Variants in PCDH9 observed in about 807,000 individuals in gnomAD.
PCDH9 encodes protocadherin 9.
A neutral mutation model predicts 70.6 loss-of-function variants in PCDH9; 24 were observed. The observed-to-expected ratio is 0.34, with a 90% CI of 0.25 to 0.48. The LOEUF (loss-of-function observed/expected upper bound fraction) is 0.48, where lower values mean the gene tolerates loss of function less well. Ranked by LOEUF, PCDH9 falls within the 20% of genes least tolerant of loss-of-function variation. The pLI is 0.99. For synonymous variants in PCDH9, 562 were observed against 558.5 expected, an observed-to-expected ratio of 1.01 and a Z score of -0.09; for missense variants, 1,281 against 1,503.6, an observed-to-expected ratio of 0.85 and a Z score of 2.45.
At chr13:67,082,777 T>G (rs2086011284) in intron 2 of PCDH9, among the ~76,000 whole-genome samples, 1 of 152,206 alleles carries the variant, frequency 6.6e-6, no homozygotes, top group Non-Finnish European at 1.5e-5. Flanking sequence ...ATCTTACCAT[T>G]TCCATGTCTG....
chr13:66,321,382 C>T (rs1447350547), intron 4 of PCDH9, among the ~76,000 whole-genome samples: 10 of 151,980 alleles, frequency 6.6e-5, no homozygotes, highest in Non-Finnish European at 1.0e-4. Flanking sequence ...ATTACATTTT[C>T]CTCATATAAA....
intron 2 of PCDH9, among the ~76,000 whole-genome samples, chr13:67,082,588 T>TA (rs1414160084): frequency 6.6e-6 from 1 of 152,176 alleles, no homozygotes; most frequent in Non-Finnish European, 1.5e-5. Context: ...ATTTAAGTCC[T>TA]ATACACTCAC....
chr13:67,153,214 T>G (rs1425348582), intron 2 of PCDH9, among the ~76,000 whole-genome samples: 2 of 151,826 alleles, frequency 1.3e-5, no homozygotes. Context: ...CAGTCTAGAG[T>G]GCAATGGTGC....
chr13:66,949,411 T>C (rs1373761520), intron 2 of PCDH9, among the ~76,000 whole-genome samples: 1 of 152,050 alleles, frequency 6.6e-6, no homozygotes, highest in African/African-American at 2.4e-5. Context: ...TATCACACCA[T>C]CTCTAAGACA....
intron 3 of PCDH9, among the ~76,000 whole-genome samples, chr13:66,651,835 G>C (rs2077856392): frequency 6.6e-6 from 1 of 152,022 alleles, no homozygotes; most frequent in African/African-American, 2.4e-5. Flanking sequence ...ATTTATCCCA[G>C]GGATGTAATA....
chr13:67,182,405 A>T lies in PCDH9; in HGVS notation c.3036+43000T>A, dbSNP rs75680993. Among the ~76,000 whole-genome samples the T allele has an allele frequency of 8.9e-3, 1,350 of 152,302 alleles. 61 individuals carry two copies. The highest frequency in any genetic ancestry group is 0.071 in the Admixed American group (1,093 of 15,292). On this transcript the variant is annotated intron_variant, in intron 2 of 4. Coordinates refer to ENST00000377865, the MANE Select transcript of PCDH9 (RefSeq NM_203487.3). ...ATATGGGCTGTAACACATATGCAGTACATATCCAAAATCTCACCATTCTTT... is the reference window on the plus strand; with the variant it reads ...ATATGGGCTGTAACACATATGCAGTTCATATCCAAAATCTCACCATTCTTT...
At chr13:67,123,117 A>T (rs1226097266) in intron 2 of PCDH9, among the ~76,000 whole-genome samples, 2 of 152,190 alleles carry the variant, frequency 1.3e-5, no homozygotes, top group Admixed American at 1.3e-4. Context: ...ATGGAAAAAC[A>T]AAAATCTACT....
At chr13:66,342,611 C>A (rs1956147590) in intron 4 of PCDH9, among the ~76,000 whole-genome samples, 1 of 151,842 alleles carries the variant, frequency 6.6e-6, no homozygotes, top group African/African-American at 2.4e-5. Flanking sequence ...TCTCCAGAGT[C>A]CTTTTCTTTC....
Position 67,226,281 on chromosome 13 carries a change from T to C in PCDH9, c.2160A>G (p.Gly720=). 6.2e-7 allele frequency: 1 copy of C among 1,614,204 alleles called. No homozygotes were observed. The highest frequency in any genetic ancestry group is 8.5e-7 in the Non-Finnish European group (1 of 1,180,038). The change falls in exon 2 of 5, where the codon GGA becomes GGG. Residue 720 remains glycine, a synonymous_variant. Coordinates refer to ENST00000377865, the MANE Select transcript of PCDH9 (RefSeq NM_203487.3). The surrounding 1 kb of genome is among the most constrained non-coding windows in gnomAD (Gnocchi z 5.0). ...CAATCCGGAATAAGCCTTTATTGTT[T>C]CCACTCACTATAGTATACTTTAGTT... ...NAELKYTIVS[G]NNKGLFRIDP...
chr13:66,720,354 G>C (rs2078926645), intron 3 of PCDH9, among the ~76,000 whole-genome samples: 1 of 147,858 alleles, frequency 6.8e-6, no homozygotes, highest in East Asian at 2.0e-4. Context: ...GTAGAGACAG[G>C]GTTTCACCAT....
intron 3 of PCDH9, among the ~76,000 whole-genome samples, chr13:66,658,123 TG>T (rs764097497): frequency 1.3e-5 from 2 of 152,200 alleles, no homozygotes; most frequent in Non-Finnish European, 2.9e-5. Flanking sequence ...CTGAAGATTT[TG>T]GTATCTTCTG....
chr13:66,357,901 A>G (rs1483820254), intron 4 of PCDH9, among the ~76,000 whole-genome samples: 1 of 151,490 alleles, frequency 6.6e-6, no homozygotes, highest in Non-Finnish European at 1.5e-5. Flanking sequence ...ACCTTTTAGA[A>G]TCTTTTCTCA....
At chr13:66,852,715 G>C (rs2081334488) in intron 3 of PCDH9, among the ~76,000 whole-genome samples, 3 of 152,090 alleles carry the variant, frequency 2.0e-5, no homozygotes, top group African/African-American at 7.2e-5. Context: ...AGTTTCTTTG[G>C]TAACATTCAT....
chr13:66,718,251 TGA>T (rs1323479624), intron 3 of PCDH9, among the ~76,000 whole-genome samples: 1 of 152,216 alleles, frequency 6.6e-6, no homozygotes, highest in African/African-American at 2.4e-5. Flanking sequence ...CCGTTCAAAC[TGA>T]GAGAGAAGTT....
intron 3 of PCDH9, among the ~76,000 whole-genome samples, chr13:66,773,406 A>G (rs1302739054): frequency 6.6e-6 from 1 of 152,012 alleles, no homozygotes; most frequent in East Asian, 2.0e-4. Context: ...GGGCGGGTGG[A>G]TCGCGAGGTC....
Position 66,316,020 on chromosome 13 carries a change from G to T in PCDH9, c.3341-10992C>A, listed in dbSNP as rs145617004. 1.1e-3 allele frequency among the ~76,000 whole-genome samples: 167 copies of T among 152,254 alleles called. 2 individuals carry two copies. The East Asian group carries it at 0.028, about 25-fold the overall frequency. On this transcript the variant is annotated intron_variant, in intron 4 of 4. Coordinates refer to ENST00000377865, the MANE Select transcript of PCDH9 (RefSeq NM_203487.3). ...GCTGGTTCCTTCTAGAAATTCTGAG[G>T]AAAGAATTCATTTCCTTTCCTTTTA...
At chr13:67,092,301 T>G (rs1292153292) in intron 2 of PCDH9, among the ~76,000 whole-genome samples, 1 of 152,186 alleles carries the variant, frequency 6.6e-6, no homozygotes, top group Non-Finnish European at 1.5e-5. Context: ...CCCTGGCAGA[T>G]TTTTAAAAAA....
intron 2 of PCDH9, among the ~76,000 whole-genome samples, chr13:66,906,025 G>C (rs537966841): frequency 2.0e-5 from 3 of 152,216 alleles, no homozygotes; most frequent in African/African-American, 7.2e-5. Flanking sequence ...TTATGTGTCA[G>C]AATTGTACTG....
chr13:67,012,263 C>T (rs1158180880), intron 2 of PCDH9, among the ~76,000 whole-genome samples: 1 of 151,198 alleles, frequency 6.6e-6, no homozygotes, highest in Non-Finnish European at 1.5e-5. Context: ...TAAATGTAAC[C>T]TTATAAATTA....
Sources: allele counts gnomAD v4.1 joint callset (sites outside exome capture counted in the v4.1 genomes callset), GRCh38; gene constraint gnomAD v4.1.1; non-coding constraint Gnocchi (gnomAD v3.1); transcripts MANE v1.5; gene names NCBI Gene and HGNC (gene_info 2026-07-23, HGNC 2026-07-21).